SPESP1: variants seen among roughly 807,000 people sequenced by gnomAD.
The protein encoded by SPESP1 is equatorial segment protein.
Under a neutral mutation model 3.1 loss-of-function variants are expected in SPESP1, and 1 was observed. The ratio of observed to expected loss-of-function variants is 0.33; its 90% confidence interval spans 0.12 to 1.54. The LOEUF (loss-of-function observed/expected upper bound fraction) is 1.54, where lower values mean the gene tolerates loss of function less well. Among genes scored for constraint, SPESP1 ranks in the 40% most tolerant of loss-of-function variants. The probability of loss-of-function intolerance (pLI) is 0.38; values close to 1 mark genes in which losing one functional copy is unlikely to be tolerated. For missense variants in SPESP1, 398 were observed against 410.1 expected (o/e 0.97, Z 0.26); for synonymous variants, 138 against 150.7 (o/e 0.92, Z 0.62).
intron 1 of SPESP1, among the ~76,000 whole-genome samples, chr15:68,938,455 C>G (rs1895737441): frequency 6.6e-6 from 1 of 151,900 alleles, no homozygotes; most frequent in South Asian, 2.1e-4. Context: ...TTCAATATTA[C>G]TAGATACATC....
intron 1 of SPESP1, among the ~76,000 whole-genome samples, chr15:68,943,794 A>G (rs554330259): frequency 6.6e-6 from 1 of 152,284 alleles, no homozygotes; most frequent in South Asian, 2.1e-4. Flanking sequence ...AATGCTAATT[A>G]CAAATGGTGC....
chr15:68,945,686 A>C lies in SPESP1; in HGVS notation c.152A>C (p.Glu51Ala), dbSNP rs768598190. Residue 51 changes from glutamate (E) to alanine (A), a missense_variant, in exon 2 of 2, where the codon GAG becomes GCG. Coordinates refer to ENST00000310673, the MANE Select transcript of SPESP1 (RefSeq NM_145658.4). ...CTAGTACGAAGTGTTCCCTCTGGGG[A>C]GCCAGGTCGTGAGAAAAAATCTAAC... is the stretch of plus-strand genomic sequence containing the variant. ...ENLVRSVPSG[E>A]PGREKKSNSP... 1 of 1,613,926 alleles carries C rather than the reference A, an allele frequency of 6.2e-7. No individual in the cohort carries two copies. Among genetic ancestry groups the C allele is most frequent in the Admixed American group, 1.7e-5 (1 of 59,994 alleles).
At chr15:68,938,071 C>T (rs1895728440) in intron 1 of SPESP1, among the ~76,000 whole-genome samples, 4 of 152,132 alleles carry the variant, frequency 2.6e-5, no homozygotes, top group Admixed American at 2.6e-4. Flanking sequence ...ACCTCTGCCT[C>T]CTGGGTTCAA....
intron 1 of SPESP1, among the ~76,000 whole-genome samples, chr15:68,938,732 T>C (rs571568948): frequency 6.6e-6 from 1 of 152,338 alleles, no homozygotes; most frequent in East Asian, 1.9e-4. Flanking sequence ...TATGACAACA[T>C]TGTGTGGTTG....
At chr15:68,943,893 G>A (rs1055649496) in intron 1 of SPESP1, among the ~76,000 whole-genome samples, 4 of 151,776 alleles carry the variant, frequency 2.6e-5, no homozygotes, top group Admixed American at 6.6e-5. Context: ...TTGATTAAAC[G>A]TCGATCTGGT....
chr15:68,941,182 C>G (rs1171863152), intron 1 of SPESP1, among the ~76,000 whole-genome samples: 1 of 152,004 alleles, frequency 6.6e-6, no homozygotes, highest in African/African-American at 2.4e-5. Context: ...AAAAAATTGA[C>G]ATTTTTAGAA....
chr15:68,934,998 T>G (rs1302755917), intron 1 of SPESP1, among the ~76,000 whole-genome samples: 1 of 152,188 alleles, frequency 6.6e-6, no homozygotes, highest in African/African-American at 2.4e-5. Flanking sequence ...ACTCTATCTT[T>G]CTCACTCTGA....
rs1462947837 is a variant in SPESP1 at position 68,946,330 on chromosome 15, G to T, written c.796G>T (p.Ala266Ser). ...ASKDHLKRSL[A>S]LAAAAEHKLK... ...TAAAGATCACCTAAAACGAAGCCTT[G>T]CTCTAGCAGCAGCAGCAGAACATAA... Residue 266 changes from alanine (A) to serine (S), a missense_variant, in exon 2 of 2, where the codon GCT (alanine) becomes TCT (serine). Physicochemically the swap from Ala to Ser is moderately conservative, Grantham distance 99. Transcript: ENST00000310673. 1 of 1,614,120 alleles carries T rather than the reference G, an allele frequency of 6.2e-7. No individual in the cohort carries two copies. The highest frequency in any genetic ancestry group is 1.1e-5 in the South Asian group (1 of 91,080).
chr15:68,932,902 A>C (rs1895586716), intron 1 of SPESP1, among the ~76,000 whole-genome samples: 1 of 152,238 alleles, frequency 6.6e-6, no homozygotes, highest in South Asian at 2.1e-4. Context: ...GAAGTGGATT[A>C]AGGAATATAT....
intron 1 of SPESP1, among the ~76,000 whole-genome samples, chr15:68,933,438 A>G (rs762126744): frequency 6.6e-6 from 1 of 152,148 alleles, no homozygotes; most frequent in Non-Finnish European, 1.5e-5. Flanking sequence ...ATTTTTCCAT[A>G]GTTTTAAATA....
intron 1 of SPESP1, among the ~76,000 whole-genome samples, chr15:68,943,718 G>C (rs1443851423): frequency 6.6e-6 from 1 of 151,886 alleles, no homozygotes; most frequent in East Asian, 1.9e-4. Flanking sequence ...ACTGTTAAAG[G>C]TTTATACTCT....
At chr15:68,941,375 A>G (rs1273557066) in intron 1 of SPESP1, among the ~76,000 whole-genome samples, 1 of 152,192 alleles carries the variant, frequency 6.6e-6, no homozygotes, top group Non-Finnish European at 1.5e-5. Flanking sequence ...CACAAACTTG[A>G]TGGTTTAAAA....
At chr15:68,945,127 T>C (rs1335935299) in intron 1 of SPESP1, among the ~76,000 whole-genome samples, 3 of 152,208 alleles carry the variant, frequency 2.0e-5, no homozygotes, top group Non-Finnish European at 4.4e-5. Context: ...ACCTTTGCTT[T>C]TAATATAATT....
At chr15:68,933,558 A>T (rs1374720480) in intron 1 of SPESP1, among the ~76,000 whole-genome samples, 1 of 140,594 alleles carries the variant, frequency 7.1e-6, no homozygotes, top group East Asian at 2.0e-4. Flanking sequence ...TTTTTGCTTT[A>T]AAAAAAAAAA....
At position 68,945,929 on chromosome 15, in the gene SPESP1, T is replaced by C. The variant is rs748266327; in HGVS notation, c.395T>C (p.Val132Ala). The change falls in exon 2 of 2, where the codon GTT becomes GCT. Residue 132 changes from valine to alanine, a missense_variant. Transcript: ENST00000310673. ...WSIKPNNVSI[V>A]LHAEEPYIEN... ...ATCAAACCAAACAATGTTTCCATTG[T>C]TTTGCATGCAGAGGAACCTTATATT... 7 of 1,614,060 alleles carry C rather than the reference T, an allele frequency of 4.3e-6. No individual in the cohort carries two copies. The South Asian group carries it at 7.7e-5, about 18-fold the overall frequency.
In SPESP1 at chr15:68,946,038, A is replaced by G. The variant is rs749259732; in HGVS notation, c.504A>G (p.Ser168=). The change falls in exon 2 of 2, where the codon TCA becomes TCG. Residue 168 remains serine, a synonymous_variant. Coordinates refer to ENST00000310673, the MANE Select transcript of SPESP1 (RefSeq NM_145658.4). The stretch of plus-strand genomic sequence containing the variant: ...GAATGTTGCCAGTTGTTACTGAATC[A>G]TCTACAAGTCCATATGTTACCTCAT... ...APRMLPVVTE[S]STSPYVTSYK... 5.0e-6 allele frequency: 8 copies of G among 1,614,158 alleles called. No individual in the cohort carries two copies. The South Asian group carries it at 8.8e-5, about 18-fold the overall frequency.
Position 68,946,127 on chromosome 15 carries a change from A to C in SPESP1, c.593A>C (p.Asp198Ala). 1 of 1,614,198 alleles carries C rather than the reference A, an allele frequency of 6.2e-7. No homozygotes were observed. The highest frequency in any genetic ancestry group is 8.5e-7 in the Non-Finnish European group (1 of 1,180,032). The change falls in exon 2 of 2, where the codon GAT (aspartate) becomes GCT (alanine). Residue 198 changes from aspartate to alanine, a missense_variant. Coordinates refer to ENST00000310673, the MANE Select transcript of SPESP1 (RefSeq NM_145658.4). ...ATTGGGATCTCTACAGAATCAGAAG[A>C]TGTTCCTCAGCTCTCAGGTGAAACT... ...TGIGISTESE[D>A]VPQLSGETAI...
Position 68,946,260 on chromosome 15 carries a change from T to C in SPESP1, c.726T>C (p.Leu242=), listed in dbSNP as rs946978568. The C allele has an allele frequency of 1.8e-5, 29 of 1,614,090 alleles. No individual in the cohort carries two copies. The highest frequency in any genetic ancestry group is 2.3e-5 in the Non-Finnish European group (27 of 1,180,008). ...DINSQVQQAL[L]SDTSNPAYRE... is the part of the protein sequence containing the mutation. ...ATTCACAAGTGCAACAGGCACTTCTTAGTGACACCAGCAACCCAGCATATA... is the reference window on the plus strand; with the variant it reads ...ATTCACAAGTGCAACAGGCACTTCTCAGTGACACCAGCAACCCAGCATATA... The change falls in exon 2 of 2, where the codon CTT becomes CTC. Residue 242 remains leucine, a synonymous_variant. Transcript: ENST00000310673.
chr15:68,933,737 T>C (rs1384224123), intron 1 of SPESP1, among the ~76,000 whole-genome samples: 1 of 151,754 alleles, frequency 6.6e-6, no homozygotes, highest in Admixed American at 6.6e-5. Flanking sequence ...GGCAGGCCTG[T>C]AGTCCCAGCT....
Sources: gnomAD v4.1 joint callset for allele counts (sites outside exome capture counted in the v4.1 genomes callset) on GRCh38, gnomAD v4.1.1 for gene constraint, MANE v1.5 for transcripts, NCBI Gene and HGNC (gene_info 2026-07-23, HGNC 2026-07-21) for gene names.